Variants in PCDHGA1 observed in about 807,000 individuals in gnomAD.
PCDHGA1 encodes the protein protocadherin gamma subfamily A, 1.
A neutral mutation model predicts 58.0 loss-of-function variants in PCDHGA1; 32 were observed. That is an observed-to-expected ratio of 0.55 (90% CI 0.42 to 0.74). The LOEUF is 0.74. Among genes scored for constraint, PCDHGA1 ranks in the 30% least tolerant of loss-of-function variants. The pLI, the probability that PCDHGA1 is intolerant of heterozygous loss-of-function variation, is 0.00. For synonymous variants in PCDHGA1, 498 were observed against 501.1 expected (o/e 0.99, Z 0.08); for missense variants, 1,205 against 1,182.3 (o/e 1.02, Z -0.28).
At chr5:141,385,880 A>G (rs192436155) in intron 1 of PCDHGA1, 3 of 153,092 alleles carry the variant, frequency 2.0e-5, no homozygotes, top group Admixed American at 1.9e-4. Context: ...ATTTATGCCT[A>G]AAGAATGAAA....
intron 2 of PCDHGA1, among the ~76,000 whole-genome samples, chr5:141,496,189 G>A (rs1362938002): frequency 1.3e-5 from 2 of 152,004 alleles, no homozygotes; most frequent in Admixed American, 6.6e-5. Flanking sequence ...AGCCCCAGCT[G>A]CTCATTTCAA....
At chr5:141,345,804 G>A (rs1561490892) in intron 1 of PCDHGA1, 2 of 1,613,960 alleles carry the variant, frequency 1.2e-6, no homozygotes, top group Non-Finnish European at 1.7e-6. Flanking sequence ...GGTGACCAAG[G>A]TGGTGGCGGT....
chr5:141,349,444 A>C (rs554674177), intron 1 of PCDHGA1, among the ~76,000 whole-genome samples: 1 of 152,234 alleles, frequency 6.6e-6, no homozygotes, highest in Non-Finnish European at 1.5e-5. Context: ...ATTCCACTTC[A>C]TAAAAGCATG....
At chr5:141,396,119 A>T (rs1190344282) in intron 1 of PCDHGA1, 1 of 152,250 alleles carries the variant, frequency 6.6e-6, no homozygotes, top group Non-Finnish European at 1.5e-5. Flanking sequence ...CCAATGTTTC[A>T]GGTACACAAG....
intron 1 of PCDHGA1, chr5:141,400,327 G>A: frequency 6.2e-7 from 1 of 1,614,074 alleles, no homozygotes. Context: ...GTCTGGACCT[G>A]TGGTTCCCCC....
At chr5:141,419,620 G>A (rs776986192) in intron 1 of PCDHGA1, 9 of 1,612,304 alleles carry the variant, frequency 5.6e-6, no homozygotes, top group Non-Finnish European at 7.6e-6. Context: ...CAGGCTACCT[G>A]GTGACCAAGG....
rs143236048 is a variant in PCDHGA1 at position 141,330,568 on chromosome 5, A to G, written c.-117A>G. 3.1e-4 allele frequency: 347 copies of G among 1,118,756 alleles called. No homozygotes were observed. The African/African-American group carries it at 4.4e-3, about 14-fold the overall frequency. 69.3% of individuals were successfully genotyped at this position (1,118,756 alleles called of 1,614,324 possible). A position where few individuals can be genotyped will look rare whatever the true frequency, so the allele number is the denominator to read the frequency against. Reference sequence around the variant, plus strand: ...GACTGTCCAAGACTGCCTAAATCCTACTTCTGGATGACTCTCCAGTCAGAA... The same window carrying G: ...GACTGTCCAAGACTGCCTAAATCCTGCTTCTGGATGACTCTCCAGTCAGAA... On this transcript the variant is annotated 5_prime_UTR_variant, in exon 1 of 4. Transcript: ENST00000517417.
chr5:141,415,603 T>C, intron 1 of PCDHGA1: 6 of 1,613,954 alleles, frequency 3.7e-6, no homozygotes, highest in Non-Finnish European at 5.1e-6. Flanking sequence ...GGATACCCCA[T>C]TGGTTCCAGT....
chr5:141,374,388 G>A (rs779801370), intron 1 of PCDHGA1: 1 of 1,614,044 alleles, frequency 6.2e-7, no homozygotes, highest in South Asian at 1.1e-5. Context: ...AGCCCGCGGT[G>A]TCTGGTGAGT....
At chr5:141,366,464 C>A in intron 1 of PCDHGA1, 8 of 1,614,226 alleles carry the variant, frequency 5.0e-6, no homozygotes, top group Non-Finnish European at 6.8e-6. Context: ...CATCGTGCTG[C>A]TGGTGCTCAG....
At chr5:141,362,214 T>G in intron 1 of PCDHGA1, 7 of 1,613,984 alleles carry the variant, frequency 4.3e-6, no homozygotes, top group Non-Finnish European at 5.9e-6. Context: ...TTTACCTGGT[T>G]GTGGCCTTGG....
rs2099416627 is a variant in PCDHGA1 at position 141,477,726 on chromosome 5, C to T, written c.2422-17081C>T. 6.2e-7 allele frequency: 1 copy of T among 1,613,822 alleles called. No homozygotes were observed. The highest frequency in any genetic ancestry group is 8.5e-7 in the Non-Finnish European group (1 of 1,180,020). ...GATCGGCGGGAATTTGAATTAACAG[C>T]TCATATCAGCGATGGGGGCACCCCG... On this transcript the variant is annotated intron_variant, in intron 1 of 3. Coordinates refer to ENST00000517417, the MANE Select transcript of PCDHGA1 (RefSeq NM_018912.3). This position sits in a 1 kb window ranked among gnomAD's most constrained non-coding sequence, Gnocchi z 4.9.
chr5:141,457,149 G>A (rs1016628234), intron 1 of PCDHGA1, among the ~76,000 whole-genome samples: 6 of 152,180 alleles, frequency 3.9e-5, no homozygotes, highest in African/African-American at 1.4e-4. Flanking sequence ...TCAGTTAGAA[G>A]GTGCTACCAT....
chr5:141,429,631 G>A (rs1272926056), intron 1 of PCDHGA1, among the ~76,000 whole-genome samples: 1 of 152,132 alleles, frequency 6.6e-6, no homozygotes, highest in Non-Finnish European at 1.5e-5. Context: ...TTTTCTCACA[G>A]CTACCTATAT....
rs1490505043 is a variant in PCDHGA1, at chr5:141,332,230, G to C, written c.1546G>C (p.Ala516Pro). 5.0e-6 allele frequency: 8 copies of C among 1,614,226 alleles called. No individual in the cohort carries two copies. Among genetic ancestry groups the C allele is most frequent in the Non-Finnish European group, 6.8e-6 (8 of 1,180,038 alleles). The change falls in exon 1 of 4, where the codon GCG (alanine) becomes CCG (proline). Residue 516 changes from alanine (A) to proline (P), a missense_variant. Transcript: ENST00000517417. This position sits in a 1 kb window ranked among gnomAD's most constrained non-coding sequence, Gnocchi z 4.6. ...SINSDTGVLY[A>P]LRSFDYEQFR... is the part of the protein sequence containing the mutation. Reference sequence around the variant, plus strand: ...CAACTCCGACACTGGGGTCCTGTATGCGCTGCGATCCTTCGACTATGAGCA... The same window carrying C: ...CAACTCCGACACTGGGGTCCTGTATCCGCTGCGATCCTTCGACTATGAGCA...
intron 1 of PCDHGA1, chr5:141,366,068 C>T: frequency 6.2e-7 from 1 of 1,614,238 alleles, no homozygotes; most frequent in Admixed American, 1.7e-5. Flanking sequence ...GCTGGCGCCT[C>T]GCTCCGCAGA....
chr5:141,374,303 C>G (rs373167574), intron 1 of PCDHGA1: 2 of 1,613,938 alleles, frequency 1.2e-6, no homozygotes, highest in Admixed American at 1.7e-5. Context: ...TAGGATGCAG[C>G]TTTTCTCTCT....
intron 1 of PCDHGA1, chr5:141,409,297 T>G (rs762820320): frequency 1.9e-6 from 3 of 1,614,006 alleles, no homozygotes; most frequent in South Asian, 2.2e-5. Context: ...CAGGAATGGT[T>G]GTTGCCCTCT....
At chr5:141,392,791 G>C in intron 1 of PCDHGA1, 6 of 1,557,838 alleles carry the variant, frequency 3.9e-6, no homozygotes, top group Admixed American at 2.0e-5. Context: ...AAGATTCTGA[G>C]AGGATTCTGC....
Sources: gnomAD v4.1 joint callset for allele counts (sites outside exome capture counted in the v4.1 genomes callset) on GRCh38, gnomAD v4.1.1 for gene constraint, Gnocchi (gnomAD v3.1) non-coding constraint, MANE v1.5 for transcripts, NCBI Gene and HGNC (gene_info 2026-07-23, HGNC 2026-07-21) for gene names.